Variants in UBE2O observed in about 807,000 individuals in gnomAD.
The protein encoded by UBE2O is ubiquitin conjugating enzyme E2 O, also known as (E3-independent) E2 ubiquitin-conjugating enzyme.
A neutral mutation model predicts 125.8 loss-of-function variants in UBE2O; 15 were observed. The observed-to-expected ratio is 0.12, with a 90% CI of 0.08 to 0.18. The LOEUF (loss-of-function observed/expected upper bound fraction) is 0.18, where lower values mean the gene tolerates loss of function less well. Among genes scored for constraint, UBE2O ranks in the 10% least tolerant of loss-of-function variants. The pLI is 1.00. For missense variants in UBE2O, 1,280 were observed against 1,723.6 expected, an observed-to-expected ratio of 0.74 and a Z score of 4.56; for synonymous variants, 708 against 703.2, an observed-to-expected ratio of 1.01 and a Z score of -0.11.
intron 1 of UBE2O, among the ~76,000 whole-genome samples, chr17:76,428,904 T>A (rs1384690850): frequency 2.9e-5 from 4 of 138,656 alleles, no homozygotes; most frequent in Admixed American, 7.1e-5. Context: ...CCTCTACTAT[T>A]TTTTTTTTTT....
At chr17:76,446,478 A>C (rs930223109) in intron 1 of UBE2O, among the ~76,000 whole-genome samples, 1 of 152,120 alleles carries the variant, frequency 6.6e-6, no homozygotes, top group East Asian at 1.9e-4. Context: ...AAAAAACCAA[A>C]CAAACAAAAC....
chr17:76,411,383 G>GA (rs1268017588), intron 1 of UBE2O, among the ~76,000 whole-genome samples: 2 of 152,196 alleles, frequency 1.3e-5, no homozygotes, highest in Non-Finnish European at 2.9e-5. Flanking sequence ...GCTGCTCCTG[G>GA]AGGCCATGCC....
intron 1 of UBE2O, among the ~76,000 whole-genome samples, chr17:76,443,694 A>T (rs774022112): frequency 3.3e-5 from 5 of 152,116 alleles, no homozygotes; most frequent in African/African-American, 7.2e-5. Context: ...TGGAGCTATC[A>T]AGTAAGCAGC....
chr17:76,430,135 C>T (rs752503430), intron 1 of UBE2O, among the ~76,000 whole-genome samples: 6 of 152,294 alleles, frequency 3.9e-5, no homozygotes, highest in Non-Finnish European at 7.3e-5. Flanking sequence ...AACATTTCAG[C>T]CTCTGCTCTG....
intron 1 of UBE2O, among the ~76,000 whole-genome samples, chr17:76,409,237 G>A (rs2072475881): frequency 6.6e-6 from 1 of 152,150 alleles, no homozygotes; most frequent in African/African-American, 2.4e-5. Context: ...CAAAGTGCTG[G>A]GATTACAGGC....
At position 76,396,203 on chromosome 17, in the gene UBE2O, G is replaced by T; in HGVS notation, c.2734C>A (p.Gln912Lys). The stretch of plus-strand genomic sequence containing the variant: ...GTGACGCCAGGCTTGCCGCCACACT[G>T]CTGGCACAGCACCGGGGTTTCGCTG... ...WPSETPVLCQ[Q>K]CGGKPGVTFT... Residue 912 changes from glutamine to lysine, a missense_variant, in exon 14 of 18, where the codon CAG becomes AAG. By Grantham distance (53) the Gln-to-Lys change is moderately conservative (BLOSUM62 1). This residue lies in a region of UBE2O where 116 missense variants were observed against 154.8 expected (regional missense o/e 0.75). Transcript: ENST00000319380. This position sits in a 1 kb window ranked among gnomAD's most constrained non-coding sequence, Gnocchi z 6.7. 1.2e-6 allele frequency: 2 copies of T among 1,614,112 alleles called. No homozygotes were observed. The highest frequency in any genetic ancestry group is 1.7e-6 in the Non-Finnish European group (2 of 1,180,020).
intron 1 of UBE2O, among the ~76,000 whole-genome samples, chr17:76,412,163 G>A (rs1196365582): frequency 6.6e-6 from 1 of 152,128 alleles, no homozygotes; most frequent in African/African-American, 2.4e-5. Context: ...AATGGCTCCT[G>A]GATTTGTGTT....
chr17:76,412,446 T>C (rs1418301942), intron 1 of UBE2O, among the ~76,000 whole-genome samples: 2 of 151,998 alleles, frequency 1.3e-5, no homozygotes, highest in East Asian at 1.9e-4. Flanking sequence ...CCTAGGTGTA[T>C]AGAAAAAGAG....
chr17:76,396,135 A>C lies in UBE2O; in HGVS notation c.2802T>G (p.Phe934Leu). 2 of 1,611,702 alleles carry C rather than the reference A, an allele frequency of 1.2e-6. No individual in the cohort carries two copies. The highest frequency in any genetic ancestry group is 1.7e-6 in the Non-Finnish European group (2 of 1,178,774). The change falls in exon 14 of 18, where the codon TTT (phenylalanine) becomes TTG (leucine). Residue 934 changes from phenylalanine to leucine, a missense_variant. Around this residue, in one of 10 missense-constraint regions of UBE2O, gnomAD observed 116 missense variants for 154.8 expected, o/e 0.75. Transcript: ENST00000319380. This position sits in a 1 kb window ranked among gnomAD's most constrained non-coding sequence, Gnocchi z 6.7. ...AGGCAAGGGCTGACTCACAGGGTGC[A>C]AACTCCAGTACGGAGAAGACCTCGC... Reference protein sequence around the residue: ...AKGEVFSVLEFAPSNHSFKKI... With the variant: ...AKGEVFSVLELAPSNHSFKKI...
Position 76,399,183 on chromosome 17 carries a change from G to A in UBE2O, c.1629-192C>T. On this transcript the variant is annotated intron_variant, in intron 9 of 17. Transcript: ENST00000319380. The surrounding 1 kb of genome is among the most constrained non-coding windows in gnomAD (Gnocchi z 6.9). ...CAAGGCCACGCATTCTCTGAGAACA[G>A]GATCCACTTGGGAGAGCTCAGGCAA... 1 of 802,268 alleles carries A rather than the reference G, an allele frequency of 1.2e-6. No homozygotes were observed. Among genetic ancestry groups the A allele is most frequent in the Non-Finnish European group, 1.9e-6 (1 of 520,646 alleles). The allele number at this position is 802,268 out of a possible 1,614,324, so 49.7% of individuals were successfully genotyped here.
rs906691987 is a variant in UBE2O, at chr17:76,404,616, G to A, written c.588+590C>T. ...TGTGGACTGGACAGTAATTATCAAC[G>A]TTGATTTCCCAATCTGGGGGTTATA... On this transcript the variant is annotated intron_variant, in intron 3 of 17. Coordinates refer to ENST00000319380, the MANE Select transcript of UBE2O (RefSeq NM_022066.4). The surrounding 1 kb of genome is among the most constrained non-coding windows in gnomAD (Gnocchi z 4.3). 2.6e-5 allele frequency among the ~76,000 whole-genome samples: 4 copies of A among 152,356 alleles called. No individual in the cohort carries two copies. The highest frequency in any genetic ancestry group is 4.4e-5 in the Non-Finnish European group (3 of 68,034).
chr17:76,397,190 G>C (rs913418469), intron 13 of UBE2O, among the ~76,000 whole-genome samples: 7 of 152,250 alleles, frequency 4.6e-5, no homozygotes, highest in African/African-American at 1.7e-4. Flanking sequence ...GGAGGCCTGT[G>C]TGGGGAGCTG....
In UBE2O at chr17:76,391,309, G is replaced by A; in HGVS notation, c.3513C>T (p.Pro1171=). ...AGTCTGACAGCTCGGCTACAGCTGG[G>A]GGCTCTGGCGAGCTGCTGGCCTTGG... is the stretch of plus-strand genomic sequence containing the variant. ...GVPKASSSPE[P]PAVAELSDSG... is the part of the protein sequence containing the mutation. The change falls in exon 18 of 18, where the codon CCC becomes CCT. Residue 1171 remains proline (P), a synonymous_variant. Transcript: ENST00000319380. The surrounding 1 kb of genome is among the most constrained non-coding windows in gnomAD (Gnocchi z 8.4). 6.2e-7 allele frequency: 1 copy of A among 1,612,954 alleles called. No homozygotes were observed. Among genetic ancestry groups the A allele is most frequent in the African/African-American group, 1.3e-5 (1 of 75,046 alleles).
At chr17:76,419,143 G>T in intron 1 of UBE2O, among the ~76,000 whole-genome samples, 2 of 142,532 alleles carry the variant, frequency 1.4e-5, no homozygotes, top group Non-Finnish European at 1.5e-5. Context: ...TTTAAATTAG[G>T]CCTGGTGGCT....
intron 1 of UBE2O, among the ~76,000 whole-genome samples, chr17:76,433,246 G>A (rs182809839): frequency 6.6e-6 from 1 of 151,604 alleles, no homozygotes; most frequent in East Asian, 1.9e-4. Context: ...CCATATGATA[G>A]AATATTATTC....
rs777275481 is a variant in UBE2O, at chr17:76,391,302, C to T, written c.3520G>A (p.Val1174Ile). The change falls in exon 18 of 18, where the codon GTA becomes ATA. Residue 1174 changes from valine to isoleucine, a missense_variant. Val to Ile is a conservative substitution (Grantham distance 29). Around this residue, in one of 10 missense-constraint regions of UBE2O, gnomAD observed 233 missense variants for 279.0 expected, o/e 0.84. Coordinates refer to ENST00000319380, the MANE Select transcript of UBE2O (RefSeq NM_022066.4). The surrounding 1 kb of genome is among the most constrained non-coding windows in gnomAD (Gnocchi z 8.4). ...TGGCCGGAGTCTGACAGCTCGGCTA[C>T]AGCTGGGGGCTCTGGCGAGCTGCTG... ...KASSSPEPPA[V>I]AELSDSGQQE... 4 of 1,612,844 alleles carry T rather than the reference C, an allele frequency of 2.5e-6. No individual in the cohort carries two copies. The highest frequency in any genetic ancestry group is 2.2e-5 in the South Asian group (2 of 91,080).
At position 76,406,530 on chromosome 17, in the gene UBE2O, A is replaced by G. The variant is rs541025241; in HGVS notation, c.418-958T>C. The stretch of plus-strand genomic sequence containing the variant: ...AGGAGAACTGAGTCGCCGAAAAAGG[A>G]AGATACTGGCTCAAGGTCACTTAAA... On this transcript the variant is annotated intron_variant, in intron 1 of 17. Transcript: ENST00000319380. Among the ~76,000 whole-genome samples the G allele has an allele frequency of 5.0e-4, 76 of 151,964 alleles. No homozygotes were observed. In the Middle Eastern group the frequency reaches 0.01, roughly 20 times the overall value.
intron 1 of UBE2O, among the ~76,000 whole-genome samples, chr17:76,451,939 C>T (rs958054486): frequency 8.5e-5 from 13 of 152,126 alleles, no homozygotes; most frequent in African/African-American, 2.4e-4. Flanking sequence ...AAAAACCATA[C>T]GGGAGTCAGA....
chr17:76,444,050 G>A (rs969390500), intron 1 of UBE2O, among the ~76,000 whole-genome samples: 2 of 151,618 alleles, frequency 1.3e-5, no homozygotes, highest in African/African-American at 2.4e-5. Flanking sequence ...GTGAAACCCC[G>A]TCTCTGCTAA....
Sources: allele counts gnomAD v4.1 joint callset (sites outside exome capture counted in the v4.1 genomes callset), GRCh38; gene constraint gnomAD v4.1.1; regional missense constraint gnomAD v4.1.1; non-coding constraint Gnocchi (gnomAD v3.1); transcripts MANE v1.5; gene names NCBI Gene and HGNC (gene_info 2026-07-23, HGNC 2026-07-21).